The following SCML4 variants were observed in gnomAD, a reference collection of about 807,000 sequenced individuals.
SCML4 encodes Scm polycomb group protein like 4.
In SCML4, 34 loss-of-function variants were observed where a neutral mutation model predicts 41.1. The ratio of observed to expected loss-of-function variants is 0.83; its 90% CI spans 0.63 to 1.10. SCML4 has a LOEUF of 1.10. SCML4 is among the 50% of genes least tolerant of loss of function. SCML4 has a pLI of 0.00. For synonymous variants in SCML4, 214 were observed against 220.9 expected, an observed-to-expected ratio of 0.97 and a Z score of 0.28; for missense variants, 522 against 534.1, an observed-to-expected ratio of 0.98 and a Z score of 0.22.
chr6:107,773,994 A>C (rs1265844788), intron 1 of SCML4, among the ~76,000 whole-genome samples: 1 of 152,226 alleles, frequency 6.6e-6, no homozygotes, highest in Non-Finnish European at 1.5e-5. Flanking sequence ...TCCTTTATAG[A>C]TTTAAGGTCA....
intron 7 of SCML4, among the ~76,000 whole-genome samples, chr6:107,706,707 G>A (rs1773664673): frequency 1.3e-5 from 2 of 152,140 alleles, no homozygotes; most frequent in South Asian, 2.1e-4. Context: ...TGGGGGGAGT[G>A]GCGGCTGTGT....
intron 2 of SCML4, among the ~76,000 whole-genome samples, chr6:107,750,376 C>A (rs1313404603): frequency 6.6e-6 from 1 of 152,244 alleles, no homozygotes; most frequent in Non-Finnish European, 1.5e-5. Flanking sequence ...GGGCAGCAGC[C>A]ACTTTGATGA....
At chr6:107,841,327 A>G in the SCML4 span, among the ~76,000 whole-genome samples, 1 of 152,170 alleles carries the variant, frequency 6.6e-6, no homozygotes, top group Non-Finnish European at 1.5e-5. Context: ...TGTAGTCATC[A>G]CCTTTCTAAT....
At chr6:107,714,802 G>A (rs1229349950) in intron 6 of SCML4, among the ~76,000 whole-genome samples, 2 of 151,880 alleles carry the variant, frequency 1.3e-5, no homozygotes, top group Non-Finnish European at 2.9e-5. Context: ...TTATTATGAT[G>A]ATGTCATTCC....
the SCML4 span, among the ~76,000 whole-genome samples, chr6:107,841,247 G>A: frequency 1.3e-5 from 2 of 152,024 alleles, no homozygotes; most frequent in African/African-American, 4.8e-5. Flanking sequence ...ATGGCTTGAG[G>A]CCAGGAGTTC....
intron 5 of SCML4, among the ~76,000 whole-genome samples, chr6:107,741,244 A>G (rs1326947258): frequency 6.6e-6 from 1 of 152,106 alleles, no homozygotes; most frequent in East Asian, 1.9e-4. Context: ...GGCCACAGAG[A>G]AATGAAAAAA....
chr6:107,732,753 G>A (rs1776690559), intron 5 of SCML4, among the ~76,000 whole-genome samples: 2 of 152,130 alleles, frequency 1.3e-5, no homozygotes, highest in African/African-American at 4.8e-5. Context: ...CGAGAGCTGG[G>A]GGAGGCGAAG....
In SCML4 at chr6:107,745,038, C is replaced by T; in HGVS notation, c.593G>A (p.Cys198Tyr). ...GGGCTGGTGGCTGAAGAGGTCATCG[C>T]ACAGGAGGCTTCGGCACAGCTTGGC... ...FLAKLCRSLL[C>Y]DDLFSHQPFP... Residue 198 changes from cysteine (C) to tyrosine (Y), a missense_variant, in exon 5 of 8, where the codon TGC (cysteine) becomes TAC (tyrosine). Physicochemically the swap from Cys to Tyr is radical, Grantham distance 194. Transcript: ENST00000369020. The T allele has an allele frequency of 1.2e-6, 2 of 1,614,166 alleles. No individual in the cohort carries two copies. The highest frequency in any genetic ancestry group is 1.7e-6 in the Non-Finnish European group (2 of 1,180,002).
chr6:107,714,467 T>C (rs538026344), intron 6 of SCML4, among the ~76,000 whole-genome samples: 202 of 152,304 alleles, frequency 1.3e-3, no homozygotes, highest in Non-Finnish European at 2.3e-3. Context: ...CATCTGATTC[T>C]CCCACAGCAT....
intron 1 of SCML4, among the ~76,000 whole-genome samples, chr6:107,806,646 G>C (rs1440241895): frequency 6.6e-6 from 1 of 152,194 alleles, no homozygotes; most frequent in Non-Finnish European, 1.5e-5. Context: ...GGCTGGCTTT[G>C]AGTATTTAGT....
At chr6:107,795,957 G>A (rs1782679560) in intron 1 of SCML4, among the ~76,000 whole-genome samples, 1 of 152,106 alleles carries the variant, frequency 6.6e-6, no homozygotes, top group Non-Finnish European at 1.5e-5. Context: ...ATACCCTTTT[G>A]CATCTGGCTT....
upstream of SCML4, among the ~76,000 whole-genome samples, chr6:107,827,229 TATTTTTATTTAAATATATTTAC>T (rs1395164094): frequency 2.7e-5 from 4 of 147,258 alleles, no homozygotes; most frequent in Admixed American, 2.7e-4. Flanking sequence ...TATATCTTTA[TATTTTTATTTAAATATATTTAC>T]ATTTTTATTT....
chr6:107,778,190 C>T (rs1370967135), intron 1 of SCML4, among the ~76,000 whole-genome samples: 5 of 76,082 alleles, frequency 6.6e-5, no homozygotes, highest in Admixed American at 1.6e-4. Context: ...GAGCGAGACT[C>T]TATCTCAAAA....
intron 7 of SCML4, 99 bp from the exon 8 acceptor site, chr6:107,705,424 C>A (rs968094368): frequency 7.2e-6 from 8 of 1,103,944 alleles, no homozygotes; most frequent in Non-Finnish European, 6.5e-6. Context: ...GTGCTCAGGG[C>A]ATATGGATTG....
intron 2 of SCML4, among the ~76,000 whole-genome samples, chr6:107,765,971 A>C (rs1780000401): frequency 6.6e-6 from 1 of 152,230 alleles, no homozygotes; most frequent in African/African-American, 2.4e-5. Flanking sequence ...AAAATACTTA[A>C]ATTCTTTTTT....
the SCML4 span, among the ~76,000 whole-genome samples, chr6:107,830,651 T>G: frequency 6.6e-6 from 1 of 152,090 alleles, no homozygotes. Context: ...AAGTGGGAGA[T>G]CTCATCTTAA....
chr6:107,827,335 C>A (rs1241344267), upstream of SCML4, among the ~76,000 whole-genome samples: 1 of 142,912 alleles, frequency 7.0e-6, no homozygotes, highest in Non-Finnish European at 1.5e-5. Flanking sequence ...TTAAATATAT[C>A]TTTATATTTT....
At chr6:107,793,923 A>G (rs976336473) in intron 1 of SCML4, among the ~76,000 whole-genome samples, 5 of 152,216 alleles carry the variant, frequency 3.3e-5, no homozygotes, top group African/African-American at 1.2e-4. Context: ...TGGGCGACAG[A>G]GTGTGAGACC....
At chr6:107,815,417 G>T (rs2114290081) in intron 1 of SCML4, among the ~76,000 whole-genome samples, 1 of 152,354 alleles carries the variant, frequency 6.6e-6, no homozygotes, top group Non-Finnish European at 1.5e-5. Context: ...ATGTATTTCT[G>T]CTCAGCTGTA....
Sources: gnomAD v4.1 joint callset for allele counts (sites outside exome capture counted in the v4.1 genomes callset) on GRCh38, gnomAD v4.1.1 for gene constraint, MANE v1.5 for transcripts, NCBI Gene and HGNC (gene_info 2026-07-23, HGNC 2026-07-21) for gene names.